Variants in CCDC180 observed in about 807,000 individuals in gnomAD.
CCDC180 encodes the protein coiled-coil domain-containing protein 180.
A neutral mutation model predicts 209.2 loss-of-function variants in CCDC180; 154 were observed. The ratio of observed to expected loss-of-function variants is 0.74; its 90% CI spans 0.65 to 0.84. CCDC180 has a LOEUF of 0.84. CCDC180 is among the 40% of genes least tolerant of loss of function. The pLI, the probability that CCDC180 is intolerant of heterozygous loss-of-function variation, is 0.00. For missense variants in CCDC180, 1,874 were observed against 1,997.3 expected (o/e 0.94, Z 1.18); for synonymous variants, 778 against 749.1 (o/e 1.04, Z -0.63).
intron 26 of CCDC180, among the ~76,000 whole-genome samples, chr9:97,360,545 A>G (rs1348368566): frequency 1.3e-5 from 2 of 152,128 alleles, no homozygotes; most frequent in Non-Finnish European, 2.9e-5. Flanking sequence ...TTCCCCGAAC[A>G]TGGCCAGAAG....
rs375265202 is a variant in CCDC180 at position 97,369,970 on chromosome 9, G to A, written c.4238G>A (p.Cys1413Tyr). 7 of 1,614,102 alleles carry A rather than the reference G, an allele frequency of 4.3e-6. No individual in the cohort carries two copies. Among genetic ancestry groups the A allele is most frequent in the Admixed American group, 1.7e-5 (1 of 60,002 alleles). ...RRFEELLPQV[C>Y]WLVMENFKEH... ...TTTGAGGAGCTGCTGCCCCAAGTGT[G>A]TTGGCTGGTGATGGAGAATTTCAAG... The change falls in exon 32 of 37, where the codon TGT becomes TAT. Residue 1413 changes from cysteine to tyrosine, a missense_variant. Physicochemically the swap from Cys to Tyr is radical, Grantham distance 194 (BLOSUM62 -2). Coordinates refer to ENST00000529487, the MANE Select transcript of CCDC180 (RefSeq NM_020893.6).
chr9:97,371,189 C>G lies in CCDC180; in HGVS notation c.4489-406C>G, dbSNP rs536354969. On this transcript the variant is annotated intron_variant, in intron 33 of 36. Coordinates refer to ENST00000529487, the MANE Select transcript of CCDC180 (RefSeq NM_020893.6). ...CCGTGTTAGCCAGGATGGTCTCGAT[C>G]TCCTGACCTCATGATCCACCCGCCT... The G allele has an allele frequency of 3.7e-3, 621 of 166,048 alleles. 3 individuals are homozygous for G. The highest frequency in any genetic ancestry group is 0.013 in the African/African-American group (542 of 41,902). 10.3% of individuals were successfully genotyped at this position (166,048 alleles called of 1,614,324 possible).
rs1832911212 is a variant in CCDC180, at chr9:97,309,537, C to T, written c.193C>T (p.Pro65Ser). ...GACTCCTGAAGGGGAGGTGATGTCT[C>T]CCCGACAGCAGAAGTGGATGCACAG... ...VETPEGEVMS[P>S]RQQKWMHSLP... The change falls in exon 3 of 37, where the codon CCC becomes TCC. Residue 65 changes from proline to serine, a missense_variant. Coordinates refer to ENST00000529487, the MANE Select transcript of CCDC180 (RefSeq NM_020893.6). 3 of 1,598,172 alleles carry T rather than the reference C, an allele frequency of 1.9e-6. No individual in the cohort carries two copies. The highest frequency in any genetic ancestry group is 8.5e-7 in the Non-Finnish European group (1 of 1,173,098).
intron 29 of CCDC180, among the ~76,000 whole-genome samples, chr9:97,364,901 C>T (rs529746820): frequency 6.6e-6 from 1 of 152,320 alleles, no homozygotes; most frequent in Admixed American, 6.5e-5. Context: ...CCGGTACAGG[C>T]ACTGCCATGG....
intron 33 of CCDC180, 51 bp downstream of exon 33, chr9:97,370,829 G>A (rs377580641): frequency 1.3e-5 from 20 of 1,591,320 alleles, no homozygotes; most frequent in South Asian, 5.7e-5. Context: ...AATATAGCCC[G>A]ATGGACAGCC....
intron 26 of CCDC180, among the ~76,000 whole-genome samples, chr9:97,360,506 C>T (rs1370422168): frequency 1.3e-5 from 2 of 152,108 alleles, no homozygotes. Context: ...CACCTGATGC[C>T]CACATCCTCT....
intron 22 of CCDC180, among the ~76,000 whole-genome samples, chr9:97,353,017 G>A (rs1046292202): frequency 2.6e-5 from 4 of 151,338 alleles, no homozygotes; most frequent in African/African-American, 9.7e-5. Flanking sequence ...ATATATTTGA[G>A]ACAGAGTCTT....
intron 22 of CCDC180, 51 bp downstream of exon 22, chr9:97,350,606 G>C: frequency 6.6e-7 from 1 of 1,513,874 alleles, no homozygotes; most frequent in Non-Finnish European, 8.8e-7. Flanking sequence ...TTCTCTATTG[G>C]GATGTGGTCT....
Position 97,328,004 on chromosome 9 carries a change from C to G in CCDC180, c.1662-16C>G, listed in dbSNP as rs1833591075. On this transcript the variant is annotated splice_polypyrimidine_tract_variant and intron_variant, in intron 15 of 36. Coordinates refer to ENST00000529487, the MANE Select transcript of CCDC180 (RefSeq NM_020893.6). ...TTCCTAGCTGGGGTCTCCTGTCTTA[C>G]CTACCTACCTCCCAGGTATGAATGT... 6.2e-7 allele frequency: 1 copy of G among 1,610,256 alleles called. No homozygotes were observed. Among genetic ancestry groups the G allele is most frequent in the South Asian group, 1.1e-5 (1 of 90,318 alleles).
At chr9:97,333,391 T>G (rs1237709510) in intron 18 of CCDC180, among the ~76,000 whole-genome samples, 1 of 152,154 alleles carries the variant, frequency 6.6e-6, no homozygotes, top group African/African-American at 2.4e-5. Flanking sequence ...TAGAATGAGT[T>G]GGGGAGGAGC....
intron 22 of CCDC180, among the ~76,000 whole-genome samples, chr9:97,352,869 C>T (rs539279557): frequency 1.5e-4 from 23 of 151,452 alleles, no homozygotes; most frequent in East Asian, 1.9e-4. Flanking sequence ...TGTGTTGAAC[C>T]TTCTGCAAAT....
chr9:97,341,213 G>GA (rs1564162106), intron 18 of CCDC180, among the ~76,000 whole-genome samples: 2 of 152,128 alleles, frequency 1.3e-5, no homozygotes, highest in Non-Finnish European at 2.9e-5. Flanking sequence ...TAACTGTGCA[G>GA]CCAGACATTC....
chr9:97,362,065 A>T (rs1226367151), intron 27 of CCDC180, 131 bp from the exon 28 acceptor site: 7 of 1,407,020 alleles, frequency 5.0e-6, no homozygotes, highest in Non-Finnish European at 6.8e-6. Flanking sequence ...CCAGTTTCTC[A>T]TCTGAAATGG....
Position 97,369,948 on chromosome 9 carries a change from G to C in CCDC180, c.4216G>C (p.Glu1406Gln), listed in dbSNP as rs752798929. ...IELRIQIRRFEELLPQVCWLV... is the reference protein window; with the variant it reads ...IELRIQIRRFQELLPQVCWLV... Reference sequence around the variant, plus strand: ...ATTACGGATCCAGATCAGGAGATTTGAGGAGCTGCTGCCCCAAGTGTGTTG... The same window carrying C: ...ATTACGGATCCAGATCAGGAGATTTCAGGAGCTGCTGCCCCAAGTGTGTTG... The change falls in exon 32 of 37, where the codon GAG (glutamate) becomes CAG (glutamine). Residue 1406 changes from glutamate (E) to glutamine (Q), a missense_variant. By Grantham distance (29) the Glu-to-Gln change is conservative (BLOSUM62 2). Transcript: ENST00000529487. 2.5e-6 allele frequency: 4 copies of C among 1,614,188 alleles called. No homozygotes were observed. Among genetic ancestry groups the C allele is most frequent in the Non-Finnish European group, 3.4e-6 (4 of 1,180,036 alleles).
At position 97,366,795 on chromosome 9, in the gene CCDC180, C is replaced by G; in HGVS notation, c.4189+95C>G. On this transcript the variant is annotated intron_variant, in intron 31 of 36. Coordinates refer to ENST00000529487, the MANE Select transcript of CCDC180 (RefSeq NM_020893.6). The surrounding 1 kb of genome is among the most constrained non-coding windows in gnomAD (Gnocchi z 4.3). ...GGCCTTGTGGCCTGGATCCTCCCCT[C>G]TGGGGGAGGCAGAAGAGCTTCCCTG... 4 of 1,311,008 alleles carry G rather than the reference C, an allele frequency of 3.1e-6. No homozygotes were observed. In the East Asian group the frequency reaches 9.9e-5, roughly 32 times the overall value. 81.2% of individuals were successfully genotyped at this position (1,311,008 alleles called of 1,614,324 possible).
intron 36 of CCDC180, chr9:97,376,350 G>A (rs1484335895): frequency 6.2e-6 from 1 of 160,992 alleles, no homozygotes; most frequent in Non-Finnish European, 1.4e-5. Context: ...TCCCCTCCAA[G>A]CCCCAGGCAG....
chr9:97,330,538 T>C lies in CCDC180; in HGVS notation c.2045T>C (p.Met682Thr). 6.2e-7 allele frequency: 1 copy of C among 1,614,122 alleles called. No individual in the cohort carries two copies. ...AAAAAATCTCCACTGCATGCTAAGA[T>C]GGATGAGTCCAAAGAAGGCTCTATT... ...QQKKSPLHAK[M>T]DESKEGSIQG... is the part of the protein sequence containing the mutation. The change falls in exon 18 of 37, where the codon ATG becomes ACG. Residue 682 changes from methionine (M) to threonine (T), a missense_variant. Physicochemically the swap from Met to Thr is moderately conservative, Grantham distance 81 (BLOSUM62 -1). Coordinates refer to ENST00000529487, the MANE Select transcript of CCDC180 (RefSeq NM_020893.6).
Position 97,328,010 on chromosome 9 carries a change from T to C in CCDC180, c.1662-10T>C. On this transcript the variant is annotated splice_polypyrimidine_tract_variant and intron_variant, in intron 15 of 36. Coordinates refer to ENST00000529487, the MANE Select transcript of CCDC180 (RefSeq NM_020893.6). ...GCTGGGGTCTCCTGTCTTACCTACC[T>C]ACCTCCCAGGTATGAATGTTTTCAC... The C allele has an allele frequency of 6.2e-7, 1 of 1,611,994 alleles. No individual in the cohort carries two copies. Among genetic ancestry groups the C allele is most frequent in the Non-Finnish European group, 8.5e-7 (1 of 1,178,904 alleles).
In CCDC180 at chr9:97,364,073, A is replaced by T; in HGVS notation, c.3925A>T (p.Asn1309Tyr). Residue 1309 changes from asparagine to tyrosine, a missense_variant, in exon 29 of 37, where the codon AAC (asparagine) becomes TAC (tyrosine). Transcript: ENST00000529487. The stretch of plus-strand genomic sequence containing the variant: ...CAGCTTCACACCGCACCCCAAGCCC[A>T]ACAAAATGGAGAGAAAGTACCGGGT... ...AGSFTPHPKP[N>Y]KMERKYRVLG... 4 of 1,614,094 alleles carry T rather than the reference A, an allele frequency of 2.5e-6. No homozygotes were observed. The highest frequency in any genetic ancestry group is 3.4e-6 in the Non-Finnish European group (4 of 1,179,984).
Sources: gnomAD v4.1 joint callset for allele counts (sites outside exome capture counted in the v4.1 genomes callset) on GRCh38, gnomAD v4.1.1 for gene constraint, Gnocchi (gnomAD v3.1) non-coding constraint, MANE v1.5 for transcripts, NCBI Gene and HGNC (gene_info 2026-07-23, HGNC 2026-07-21) for gene names.